Variants in DENND2B observed in about 807,000 individuals in gnomAD.
DENND2B encodes DENN domain-containing protein 2B.
DENND2B carries 32 observed loss-of-function variants against 116.0 expected under a neutral mutation model. That is an observed-to-expected ratio of 0.28 (90% CI 0.21 to 0.37). The LOEUF is 0.37. Ranked by LOEUF, DENND2B falls within the 10% of genes least tolerant of loss-of-function variation. The pLI, the probability that DENND2B is intolerant of heterozygous loss-of-function variation, is 1.00. For missense variants in DENND2B, 1,276 were observed against 1,477.7 expected, an observed-to-expected ratio of 0.86 and a Z score of 2.24; for synonymous variants, 588 against 583.9, an observed-to-expected ratio of 1.01 and a Z score of -0.10.
chr11:8,859,634 G>A lies in DENND2B; in HGVS notation c.-249-2198C>T, dbSNP rs142092811. Reference sequence around the variant, plus strand: ...CGTGTTTTGCAAATACTCATTCATGGATTATATCATGTATATTTCAAAGAA... The same window carrying A: ...CGTGTTTTGCAAATACTCATTCATGAATTATATCATGTATATTTCAAAGAA... On this transcript the variant is annotated intron_variant, in intron 2 of 6. Coordinates refer to the DENND2B transcript ENST00000524757. Among the ~76,000 whole-genome samples, 793 of 152,230 alleles carry A rather than the reference G, an allele frequency of 5.2e-3. 13 individuals carry two copies. The highest frequency in any genetic ancestry group is 0.018 in the African/African-American group (757 of 41,542).
At chr11:8,766,351 C>T (rs548867040) in intron 1 of DENND2B, among the ~76,000 whole-genome samples, 1 of 152,284 alleles carries the variant, frequency 6.6e-6, no homozygotes, top group African/African-American at 2.4e-5. Flanking sequence ...CAGGCGCCTG[C>T]ACATCCACAT....
intron 3 of DENND2B, among the ~76,000 whole-genome samples, chr11:8,727,391 T>C (rs1221193824): frequency 6.6e-6 from 1 of 152,118 alleles, no homozygotes; most frequent in African/African-American, 2.4e-5. Context: ...CCGAACACTC[T>C]TTATATTGAC....
intron 1 of DENND2B, among the ~76,000 whole-genome samples, chr11:8,800,323 G>T (rs2060207101): frequency 6.6e-6 from 1 of 152,122 alleles, no homozygotes; most frequent in Admixed American, 6.6e-5. Context: ...TAAACTAAAT[G>T]GGAGGGAGAT....
At chr11:8,896,627 G>T (rs1417956315) in intron 1 of DENND2B, among the ~76,000 whole-genome samples, 1 of 152,122 alleles carries the variant, frequency 6.6e-6, no homozygotes, top group Non-Finnish European at 1.5e-5. Context: ...TACATTCAGT[G>T]GAAACCATAT....
At chr11:8,800,073 C>T (rs1190236437) in intron 1 of DENND2B, among the ~76,000 whole-genome samples, 1 of 151,994 alleles carries the variant, frequency 6.6e-6, no homozygotes, top group African/African-American at 2.4e-5. Context: ...TCCACCTCAG[C>T]CTCCCAAGTA....
intron 3 of DENND2B, among the ~76,000 whole-genome samples, chr11:8,847,936 C>A (rs2062869024): frequency 6.6e-6 from 1 of 152,092 alleles, no homozygotes; most frequent in Non-Finnish European, 1.5e-5. Flanking sequence ...GGCCTCAAAT[C>A]TATAAAGTTT....
intron 14 of DENND2B, 77 bp from the exon 15 acceptor site, chr11:8,699,467 C>T (rs2041094925): frequency 6.9e-7 from 1 of 1,442,618 alleles, no homozygotes; most frequent in East Asian, 2.5e-5. Context: ...TCAGGACAGC[C>T]TTTGATCGTA....
chr11:8,776,729 GC>G (rs1178205666), intron 1 of DENND2B: 1 of 159,376 alleles, frequency 6.3e-6, no homozygotes, highest in African/African-American at 2.4e-5. Context: ...GGGTAGCACT[GC>G]CCCATCTTGC....
intron 2 of DENND2B, among the ~76,000 whole-genome samples, chr11:8,741,581 G>A (rs2050215596): frequency 6.6e-6 from 1 of 152,174 alleles, no homozygotes; most frequent in Non-Finnish European, 1.5e-5. Flanking sequence ...CAAATTCTTT[G>A]ACATGCCTCC....
At position 8,730,355 on chromosome 11, in the gene DENND2B, C is replaced by T. The variant is rs200023000; in HGVS notation, c.935G>A (p.Arg312Gln). The T allele has an allele frequency of 1.2e-4, 198 of 1,600,970 alleles. No individual in the cohort carries two copies. Among genetic ancestry groups the T allele is most frequent in the South Asian group, 3.5e-4 (32 of 90,594 alleles). ...CAAGGTTCCAGTCTTCCTTTTCCCC[C>T]GGTCCACGCTGTAGCAGCTGCTGGG... is the stretch of plus-strand genomic sequence containing the variant. ...QLPSSCYSVD[R>Q]GKRKTGTLGS... The change falls in exon 3 of 20, where the codon CGG (arginine) becomes CAG (glutamine). Residue 312 changes from arginine to glutamine, a missense_variant. By Grantham distance (43) the Arg-to-Gln change is conservative. Coordinates refer to ENST00000313726, the MANE Select transcript of DENND2B (RefSeq NM_213618.2). The surrounding 1 kb of genome is among the most constrained non-coding windows in gnomAD (Gnocchi z 4.1).
chr11:8,699,116 T>A (rs776933139), intron 15 of DENND2B, 97 bp downstream of exon 15: 324 of 1,512,842 alleles, frequency 2.1e-4, no homozygotes, highest in Non-Finnish European at 2.8e-4. Flanking sequence ...GGAGAAAGGA[T>A]AAGAGCCTGG....
intron 9 of DENND2B, 41 bp from the exon 10 acceptor site, chr11:8,711,272 G>A: frequency 1.3e-6 from 2 of 1,592,932 alleles, no homozygotes; most frequent in Non-Finnish European, 1.7e-6. Flanking sequence ...TGGAACCTGA[G>A]GGCGGGTGGT....
At chr11:8,723,535 C>T (rs1364835238) in intron 4 of DENND2B, among the ~76,000 whole-genome samples, 1 of 152,178 alleles carries the variant, frequency 6.6e-6, no homozygotes, top group Admixed American at 6.5e-5. Flanking sequence ...CTCACTCATT[C>T]GGGAGGACTT....
At chr11:8,696,692 G>A (rs1444160281) in intron 17 of DENND2B, 26 bp from the exon 18 acceptor site, 2 of 1,611,994 alleles carry the variant, frequency 1.2e-6, no homozygotes, top group African/African-American at 2.7e-5. Context: ...CAATCTTTGA[G>A]GTTCAGGTCA....
At position 8,697,586 on chromosome 11, in the gene DENND2B, C is replaced by T. The variant is rs1192776100; in HGVS notation, c.2991G>A (p.Glu997=). ...GCTCATTCTTCCTCTCCAGAGCCTG[C>T]TCCAGAGCTGCCTGTAACTTCCTAG... is the stretch of plus-strand genomic sequence containing the variant. The part of the protein sequence containing the change: ...LLPRKLQAAL[E]QALERKNELI... The change falls in exon 17 of 20, where the codon GAG becomes GAA. Residue 997 remains glutamate (E), a synonymous_variant. Coordinates refer to ENST00000313726, the MANE Select transcript of DENND2B (RefSeq NM_213618.2). The T allele has an allele frequency of 1.2e-6, 2 of 1,614,260 alleles. No homozygotes were observed. The highest frequency in any genetic ancestry group is 1.1e-5 in the South Asian group (1 of 91,090).
At chr11:8,847,484 T>C (rs1307474169) in intron 3 of DENND2B, among the ~76,000 whole-genome samples, 1 of 152,100 alleles carries the variant, frequency 6.6e-6, no homozygotes, top group Non-Finnish European at 1.5e-5. Flanking sequence ...ACAAATAAAA[T>C]AGTTTGAAAC....
At chr11:8,907,588 C>CT (rs1297594476) in intron 1 of DENND2B, among the ~76,000 whole-genome samples, 1 of 152,168 alleles carries the variant, frequency 6.6e-6, no homozygotes, top group African/African-American at 2.4e-5. Context: ...CAAGCATCTT[C>CT]TTTCCCATAA....
In DENND2B at chr11:8,750,723, G is replaced by A; in HGVS notation, c.-23C>T. The stretch of plus-strand genomic sequence containing the variant: ...CATTTCGGCTCTCTGCAAACCCAGA[G>A]CCCTGCAAAGACGACAATGCCGGTA... On this transcript the variant is annotated splice_region_variant and 5_prime_UTR_variant, in exon 2 of 20. Transcript: ENST00000313726. 2 of 1,614,090 alleles carry A rather than the reference G, an allele frequency of 1.2e-6. No individual in the cohort carries two copies. The highest frequency in any genetic ancestry group is 1.7e-6 in the Non-Finnish European group (2 of 1,179,972).
chr11:8,809,969 C>T (rs2061241768), intron 1 of DENND2B: 1 of 151,958 alleles, frequency 6.6e-6, no homozygotes, highest in Non-Finnish European at 1.5e-5. Flanking sequence ...TCAGGCATCC[C>T]TGTGACAGTC....
Sources: allele counts gnomAD v4.1 joint callset (sites outside exome capture counted in the v4.1 genomes callset), GRCh38; gene constraint gnomAD v4.1.1; non-coding constraint Gnocchi (gnomAD v3.1); transcripts MANE v1.5; gene names NCBI Gene and HGNC (gene_info 2026-07-23, HGNC 2026-07-21).